The following DSTN variants were observed in gnomAD, a reference collection of about 807,000 sequenced individuals.
The protein encoded by DSTN is destrin.
Under a neutral mutation model 16.8 loss-of-function variants are expected in DSTN, and 10 were observed. The observed-to-expected ratio is 0.60, with a 90% CI of 0.37 to 1.01. The LOEUF is 1.01. DSTN is among the 50% of genes least tolerant of loss of function. DSTN has a pLI of 0.01. For synonymous variants in DSTN, 57 were observed against 58.9 expected (o/e 0.97, Z 0.14); for missense variants, 141 against 196.7 (o/e 0.72, Z 1.69).
chr20:17,579,693 C>T (rs1419724955), intron 1 of DSTN, among the ~76,000 whole-genome samples: 2 of 152,246 alleles, frequency 1.3e-5, no homozygotes, highest in Non-Finnish European at 2.9e-5. Flanking sequence ...TTTGTTATTA[C>T]TTGCTATCCA....
In DSTN at chr20:17,607,178, TG is replaced by T. The variant is rs748940463; in HGVS notation, c.*33del. The stretch of plus-strand genomic sequence containing the variant: ...CAGTGCCACAAATTGAAAGCTTCCA[TG>T]TTTAATGTTATCCTCTTGCTATATA... On this transcript the variant is annotated 3_prime_UTR_variant, in exon 4 of 4. Coordinates refer to ENST00000246069, the MANE Select transcript of DSTN (RefSeq NM_006870.4). The T allele has an allele frequency of 4.8e-5, 76 of 1,590,700 alleles. No individual in the cohort carries two copies. The African/African-American group carries it at 1.0e-3, about 21-fold the overall frequency.
In DSTN at chr20:17,607,231, G is replaced by T. The variant is rs562163877; in HGVS notation, c.*85G>T. 34 of 1,252,938 alleles carry T rather than the reference G, an allele frequency of 2.7e-5. No homozygotes were observed. In the South Asian group the frequency reaches 4.3e-4, roughly 16 times the overall value. The allele number at this position is 1,252,938 out of a possible 1,614,324, so 77.6% of individuals were successfully genotyped here. On this transcript the variant is annotated 3_prime_UTR_variant, in exon 4 of 4. Coordinates refer to ENST00000246069, the MANE Select transcript of DSTN (RefSeq NM_006870.4). ...ATAAAGCAAATATATTTAGGCCAGG[G>T]TCTCACTGAGGGGGAGCTGTCTTGT... is the stretch of plus-strand genomic sequence containing the variant.
chr20:17,583,735 C>CTTTTTT (rs71192397), intron 1 of DSTN, among the ~76,000 whole-genome samples: 4,956 of 72,384 alleles, frequency 0.068, 1,312 homozygotes, highest in Non-Finnish European at 0.077. Context: ...TTTGGAGTTT[C>CTTTTTT]TTTTTTTTTT....
intron 1 of DSTN, among the ~76,000 whole-genome samples, chr20:17,588,509 C>T (rs1382847845): frequency 1.3e-5 from 2 of 152,166 alleles, no homozygotes; most frequent in Non-Finnish European, 1.5e-5. Context: ...TGGCTGGGCA[C>T]GGTTGCTCAC....
intron 1 of DSTN, among the ~76,000 whole-genome samples, chr20:17,574,360 C>T (rs2035242504): frequency 1.3e-5 from 2 of 152,168 alleles, no homozygotes; most frequent in African/African-American, 4.8e-5. Context: ...TTTTAGGCCC[C>T]TGGTAGTGGT....
intron 1 of DSTN, chr20:17,592,071 T>G: frequency 1.0e-6 from 1 of 985,378 alleles, no homozygotes; most frequent in Non-Finnish European, 1.2e-6. Flanking sequence ...AGGGTTAGTA[T>G]TCCGTGCTTT....
At chr20:17,598,930 C>T (rs2035556160) in intron 1 of DSTN, among the ~76,000 whole-genome samples, 1 of 152,138 alleles carries the variant, frequency 6.6e-6, no homozygotes, top group Admixed American at 6.6e-5. Context: ...CATGGTTTTA[C>T]ATAAATTGAC....
chr20:17,601,868 T>C (rs2035590304), intron 2 of DSTN, among the ~76,000 whole-genome samples: 1 of 152,152 alleles, frequency 6.6e-6, no homozygotes, highest in African/African-American at 2.4e-5. Flanking sequence ...CTGCATTCCT[T>C]GATATGGCCA....
chr20:17,595,787 C>G (rs531757100), intron 1 of DSTN, among the ~76,000 whole-genome samples: 1 of 152,090 alleles, frequency 6.6e-6, no homozygotes. Flanking sequence ...TTAGAAGTGT[C>G]TAGCAATAGT....
chr20:17,604,018 T>C (rs547341779), intron 2 of DSTN, among the ~76,000 whole-genome samples: 53 of 152,332 alleles, frequency 3.5e-4, no homozygotes, highest in African/African-American at 1.3e-3. Context: ...TTTTTAAGTT[T>C]TTGATTTATT....
At chr20:17,604,425 C>A in intron 2 of DSTN, 130 bp from the exon 3 acceptor site, 2 of 865,644 alleles carry the variant, frequency 2.3e-6, no homozygotes, top group Non-Finnish European at 3.5e-6. Flanking sequence ...AAAAAATGTG[C>A]AGTTAAGAAA....
At chr20:17,592,931 C>T (rs1330940970) in intron 1 of DSTN, among the ~76,000 whole-genome samples, 1 of 152,166 alleles carries the variant, frequency 6.6e-6, no homozygotes, top group East Asian at 1.9e-4. Flanking sequence ...AGCTGGAGTG[C>T]CTACTATAAT....
At chr20:17,600,629 T>C in intron 1 of DSTN, 109 bp from the exon 2 acceptor site, 1 of 1,265,864 alleles carries the variant, frequency 7.9e-7, no homozygotes, top group Non-Finnish European at 1.1e-6. Flanking sequence ...AATTAGATGA[T>C]ATACCTTTAA....
rs561682315 is a variant in DSTN at position 17,608,199 on chromosome 20, T to C, written c.*1053T>C. 2.0e-5 allele frequency: 3 copies of C among 152,310 alleles called. No individual in the cohort carries two copies. The South Asian group carries it at 6.2e-4, about 32-fold the overall frequency. The allele number at this position is 152,310 out of a possible 1,614,324, so 9.4% of individuals were successfully genotyped here. On this transcript the variant is annotated 3_prime_UTR_variant, in exon 4 of 4. Coordinates refer to ENST00000246069, the MANE Select transcript of DSTN (RefSeq NM_006870.4). ...ATGCACAAACAGTTGAACTTAGAAGTAGCAGTATTGGCTTTATGTAATAAA... is the reference window on the plus strand; with the variant it reads ...ATGCACAAACAGTTGAACTTAGAAGCAGCAGTATTGGCTTTATGTAATAAA...
chr20:17,570,250 C>T, intron 1 of DSTN, 39 bp downstream of exon 1: 1 of 1,480,938 alleles, frequency 6.8e-7, no homozygotes, highest in Non-Finnish European at 8.9e-7. Context: ...CCGAGGCGGC[C>T]GGGAGCAGTG....
intron 1 of DSTN, among the ~76,000 whole-genome samples, chr20:17,585,700 G>A (rs2035399484): frequency 6.6e-6 from 1 of 151,920 alleles, no homozygotes; most frequent in Non-Finnish European, 1.5e-5. Context: ...TGTAACTACA[G>A]CCACAGTCAA....
Position 17,604,017 on chromosome 20 carries a change from T to C in DSTN, c.312-538T>C, listed in dbSNP as rs1441794530. On this transcript the variant is annotated intron_variant, in intron 2 of 3. Transcript: ENST00000246069. ...TTCTTTTTTGTCCTTTTTTTTAAGT[T>C]TTTGATTTATTCTTTTTTAGAAAAC... Among the ~76,000 whole-genome samples, 3 of 152,294 alleles carry C rather than the reference T, an allele frequency of 2.0e-5. No individual in the cohort carries two copies. In the East Asian group the frequency reaches 5.8e-4, roughly 29 times the overall value.
At chr20:17,594,499 ATTTAAAGATCACT>A (rs2035504338) in intron 1 of DSTN, among the ~76,000 whole-genome samples, 1 of 152,154 alleles carries the variant, frequency 6.6e-6, no homozygotes, top group Non-Finnish European at 1.5e-5. Context: ...TATTTAGTGT[ATTTAAAGATCACT>A]TTTAAAGGGC....
At chr20:17,573,606 A>C (rs753966099) in intron 1 of DSTN, among the ~76,000 whole-genome samples, 14 of 151,592 alleles carry the variant, frequency 9.2e-5, no homozygotes, top group Non-Finnish European at 1.8e-4. Flanking sequence ...CATATTTTCT[A>C]CTCTACTACT....
Sources: allele counts gnomAD v4.1 joint callset (sites outside exome capture counted in the v4.1 genomes callset), GRCh38; gene constraint gnomAD v4.1.1; transcripts MANE v1.5; gene names NCBI Gene and HGNC (gene_info 2026-07-23, HGNC 2026-07-21).